NUDCD1: variants seen among roughly 807,000 people sequenced by gnomAD.
NUDCD1 encodes the protein nudC domain-containing protein 1.
A neutral mutation model predicts 67.8 loss-of-function variants in NUDCD1; 60 were observed. The observed-to-expected ratio is 0.88, with a 90% CI of 0.72 to 1.10. The LOEUF is 1.10. Ranked by LOEUF, NUDCD1 falls within the 50% of genes least tolerant of loss-of-function variation. The probability of loss-of-function intolerance (pLI) is 0.00; values close to 1 mark genes in which losing one functional copy is unlikely to be tolerated. For missense variants in NUDCD1, 643 were observed against 695.0 expected (o/e 0.93, Z 0.84); for synonymous variants, 244 against 230.8 (o/e 1.06, Z -0.52).
intron 2 of NUDCD1, among the ~76,000 whole-genome samples, chr8:109,310,412 G>A (rs1261498659): frequency 6.6e-6 from 1 of 152,192 alleles, no homozygotes; most frequent in East Asian, 1.9e-4. Context: ...TAATTGGCCA[G>A]CCACATGTAG....
intron 5 of NUDCD1, among the ~76,000 whole-genome samples, chr8:109,285,674 G>C (rs1297925376): frequency 6.6e-6 from 1 of 151,968 alleles, no homozygotes; most frequent in Non-Finnish European, 1.5e-5. Context: ...AAAATAACAA[G>C]AGCCATCTAT....
intron 2 of NUDCD1, among the ~76,000 whole-genome samples, chr8:109,300,629 G>C (rs1233230820): frequency 6.6e-6 from 1 of 152,062 alleles, no homozygotes. Context: ...AAGAACAATC[G>C]GCATTCCTGT....
chr8:109,259,399 T>C (rs894425162), intron 8 of NUDCD1, among the ~76,000 whole-genome samples: 21 of 152,192 alleles, frequency 1.4e-4, no homozygotes, highest in Admixed American at 1.3e-4. Flanking sequence ...TCTATGAAAC[T>C]GTGATAGGCT....
At chr8:109,278,870 T>A (rs899736925) in intron 6 of NUDCD1, among the ~76,000 whole-genome samples, 1 of 152,184 alleles carries the variant, frequency 6.6e-6, no homozygotes, top group South Asian at 2.1e-4. Context: ...TGTTTTGGCT[T>A]TGTTTTGTTT....
At chr8:109,321,517 T>A (rs2130130851) in intron 2 of NUDCD1, among the ~76,000 whole-genome samples, 1 of 152,186 alleles carries the variant, frequency 6.6e-6, no homozygotes, top group South Asian at 2.1e-4. Flanking sequence ...AAGGACATTT[T>A]TTTTAAAAAG....
chr8:109,303,492 C>T (rs962767157), intron 2 of NUDCD1, among the ~76,000 whole-genome samples: 1 of 152,178 alleles, frequency 6.6e-6, no homozygotes, highest in African/African-American at 2.4e-5. Context: ...AACTCCCCAA[C>T]TCTCATGCCA....
At chr8:109,288,352 T>G (rs1009743661) in intron 5 of NUDCD1, among the ~76,000 whole-genome samples, 14 of 152,272 alleles carry the variant, frequency 9.2e-5, no homozygotes, top group African/African-American at 3.1e-4. Flanking sequence ...TCCCTCGAGA[T>G]TGCTTACCAA....
intron 2 of NUDCD1, among the ~76,000 whole-genome samples, chr8:109,305,573 C>T (rs956141513): frequency 2.6e-5 from 4 of 152,182 alleles, no homozygotes; most frequent in African/African-American, 9.7e-5. Flanking sequence ...CCTCGAGATA[C>T]TACAGGGTAC....
intron 8 of NUDCD1, among the ~76,000 whole-genome samples, chr8:109,246,886 C>T (rs916376933): frequency 1.3e-5 from 2 of 152,152 alleles, no homozygotes; most frequent in African/African-American, 4.8e-5. Flanking sequence ...TGAAGTGGCT[C>T]TCCAGCAAGG....
rs562333220 is a variant in NUDCD1, at chr8:109,256,252, A to T, written c.1300-10771T>A. Among the ~76,000 whole-genome samples the T allele has an allele frequency of 3.9e-5, 6 of 152,288 alleles. No homozygotes were observed. The South Asian group carries it at 1.2e-3, about 32-fold the overall frequency. On this transcript the variant is annotated intron_variant, in intron 8 of 9. Coordinates refer to ENST00000239690, the MANE Select transcript of NUDCD1 (RefSeq NM_032869.4). ...ACTGAACTAGGAAAAAATGGTGAAA[A>T]ATAAGATAATCAGGACTGGATGGCA...
chr8:109,308,111 T>C (rs548599567), intron 2 of NUDCD1, among the ~76,000 whole-genome samples: 15 of 152,202 alleles, frequency 9.9e-5, no homozygotes, highest in Non-Finnish European at 2.1e-4. Context: ...AACTATACCC[T>C]GGAACAAATG....
chr8:109,278,773 C>T (rs539638704), intron 6 of NUDCD1, among the ~76,000 whole-genome samples: 48 of 152,328 alleles, frequency 3.2e-4, no homozygotes, highest in African/African-American at 1.0e-3. Context: ...ATATACCACA[C>T]GTACTTATCC....
chr8:109,273,670 C>T (rs759922323), intron 7 of NUDCD1, among the ~76,000 whole-genome samples: 1 of 151,966 alleles, frequency 6.6e-6, no homozygotes, highest in African/African-American at 2.4e-5. Flanking sequence ...ACTAAGGCAC[C>T]ATAGTTAAGT....
chr8:109,266,890 C>T (rs1814015860), intron 8 of NUDCD1, among the ~76,000 whole-genome samples: 1 of 152,078 alleles, frequency 6.6e-6, no homozygotes, highest in Non-Finnish European at 1.5e-5. Flanking sequence ...ATGTCCATGT[C>T]TTTAAAGGAA....
rs145907428 is a variant in NUDCD1, at chr8:109,251,330, G to T, written c.1300-5849C>A. Among the ~76,000 whole-genome samples the T allele has an allele frequency of 7.3e-3, 1,100 of 151,656 alleles. 19 individuals are homozygous for T. The highest frequency in any genetic ancestry group is 0.026 in the African/African-American group (1,062 of 41,352). On this transcript the variant is annotated intron_variant, in intron 8 of 9. Transcript: ENST00000239690. Reference sequence around the variant, plus strand: ...GGGGATTACAGGTACCCACCACCACGCCTGGTTAATTTTTGTATTTTTAGT... The same window carrying T: ...GGGGATTACAGGTACCCACCACCACTCCTGGTTAATTTTTGTATTTTTAGT...
At chr8:109,300,394 T>A (rs1342980516) in intron 2 of NUDCD1, among the ~76,000 whole-genome samples, 3 of 151,780 alleles carry the variant, frequency 2.0e-5, no homozygotes, top group Non-Finnish European at 4.4e-5. Context: ...TGAAATAGCA[T>A]AAATAAAAAA....
chr8:109,249,409 TTA>T (rs1563658058), intron 8 of NUDCD1, among the ~76,000 whole-genome samples: 1 of 152,204 alleles, frequency 6.6e-6, no homozygotes, highest in African/African-American at 2.4e-5. Context: ...TTATACAATT[TTA>T]TGTCTCAGAA....
chr8:109,305,358 A>G (rs1815079332), intron 2 of NUDCD1, among the ~76,000 whole-genome samples: 1 of 151,802 alleles, frequency 6.6e-6, no homozygotes, highest in East Asian at 1.9e-4. Flanking sequence ...CCTCTATACT[A>G]GCCTTTATTA....
At chr8:109,297,305 G>A (rs548610850) in intron 2 of NUDCD1, among the ~76,000 whole-genome samples, 2 of 152,250 alleles carry the variant, frequency 1.3e-5, no homozygotes, top group South Asian at 4.1e-4. Context: ...TATGAATCTA[G>A]GTTTTTGTTA....
Sources: allele counts gnomAD v4.1 joint callset (sites outside exome capture counted in the v4.1 genomes callset), GRCh38; gene constraint gnomAD v4.1.1; transcripts MANE v1.5; gene names NCBI Gene and HGNC (gene_info 2026-07-23, HGNC 2026-07-21).